Variants in TIPARP observed in about 807,000 individuals in gnomAD.
The protein encoded by TIPARP is protein mono-ADP-ribosyltransferase TIPARP.
Under a neutral mutation model 56.5 loss-of-function variants are expected in TIPARP, and 12 were observed. The ratio of observed to expected loss-of-function variants is 0.21; its 90% CI spans 0.14 to 0.34. The LOEUF (loss-of-function observed/expected upper bound fraction) is 0.34. Ranked by LOEUF, TIPARP falls within the 10% of genes least tolerant of loss-of-function variation. The pLI, the probability that TIPARP is intolerant of heterozygous loss-of-function variation, is 1.00. For missense variants in TIPARP, 604 were observed against 781.6 expected, an observed-to-expected ratio of 0.77 and a Z score of 2.71; for synonymous variants, 296 against 265.7, an observed-to-expected ratio of 1.11 and a Z score of -1.11.
intron 4 of TIPARP, among the ~76,000 whole-genome samples, chr3:156,697,160 A>G (rs1203508076): frequency 6.6e-6 from 1 of 152,186 alleles, no homozygotes; most frequent in African/African-American, 2.4e-5. Flanking sequence ...AAAAATTAGA[A>G]CTAGTAAAAA....
intron 2 of TIPARP, among the ~76,000 whole-genome samples, chr3:156,686,600 G>C (rs996194517): frequency 2.0e-5 from 3 of 152,122 alleles, no homozygotes; most frequent in Admixed American, 6.6e-5. Flanking sequence ...TCATTGATCA[G>C]TTAGTTCATC....
rs1050093220 is a variant in TIPARP at position 156,674,623 on chromosome 3, C to G, written c.-215C>G. ...AGGTGACAGGCGAGCTGGCTGGACT[C>G]GGAGCGCGGTCGAGGCTTTCTGCGT... On this transcript the variant is annotated 5_prime_UTR_variant, in exon 1 of 6. Transcript: ENST00000295924. 6.5e-6 allele frequency: 1 copy of G among 152,686 alleles called. No individual in the cohort carries two copies. Among genetic ancestry groups the G allele is most frequent in the Non-Finnish European group, 1.5e-5 (1 of 68,132 alleles). The allele number at this position is 152,686 out of a possible 1,614,324, so 9.5% of individuals were successfully genotyped here.
chr3:156,678,754 C>G (rs1280526957), intron 2 of TIPARP, 140 bp downstream of exon 2: 1 of 712,348 alleles, frequency 1.4e-6, no homozygotes, highest in Non-Finnish European at 2.2e-6. Context: ...CTGTGCTGTC[C>G]TGATTTTTCA....
intron 2 of TIPARP, among the ~76,000 whole-genome samples, chr3:156,683,908 A>G (rs1722364330): frequency 6.6e-6 from 1 of 152,170 alleles, no homozygotes. Flanking sequence ...ATTTGAGACC[A>G]CCAGATTCTG....
rs770403066 is a variant in TIPARP at position 156,694,083 on chromosome 3, A to C, written c.981A>C (p.Gln327His). ...TGTATGAAACAACTGAATTTGACCA[A>C]CTACGAAGGCTGTCCACACCACCCT... ...MNVYETTEFD[Q>H]LRRLSTPPSS... The change falls in exon 3 of 6, where the codon CAA becomes CAC. Residue 327 changes from glutamine (Q) to histidine (H), a missense_variant. Coordinates refer to ENST00000295924, the MANE Select transcript of TIPARP (RefSeq NM_015508.5). The C allele has an allele frequency of 1.2e-6, 2 of 1,613,394 alleles. No individual in the cohort carries two copies. Among genetic ancestry groups the C allele is most frequent in the East Asian group, 4.5e-5 (2 of 44,866 alleles).
intron 1 of TIPARP, among the ~76,000 whole-genome samples, chr3:156,676,333 T>C (rs1448135332): frequency 6.6e-6 from 1 of 152,276 alleles, no homozygotes; most frequent in African/African-American, 2.4e-5. Flanking sequence ...TACTTCGTTA[T>C]AAACTGCTTT....
intron 1 of TIPARP, chr3:156,675,019 G>C (rs985828018): frequency 6.6e-6 from 1 of 152,466 alleles, no homozygotes; most frequent in Non-Finnish European, 1.5e-5. Context: ...CTTAGAGCCT[G>C]TGGCAGGTGT....
At chr3:156,676,230 C>T (rs1156748823) in intron 1 of TIPARP, among the ~76,000 whole-genome samples, 1 of 152,226 alleles carries the variant, frequency 6.6e-6, no homozygotes, top group Non-Finnish European at 1.5e-5. Flanking sequence ...TGTCAGATCC[C>T]TCCTTCTTCG....
intron 5 of TIPARP, among the ~76,000 whole-genome samples, chr3:156,704,039 A>T (rs1426483006): frequency 2.6e-5 from 4 of 151,938 alleles, no homozygotes; most frequent in African/African-American, 9.7e-5. Context: ...AAGTTCAAGA[A>T]TCAAGAGAGC....
intron 2 of TIPARP, among the ~76,000 whole-genome samples, chr3:156,683,515 T>C (rs949291396): frequency 1.3e-5 from 2 of 152,100 alleles, no homozygotes; most frequent in African/African-American, 2.4e-5. Context: ...GCTCAATTTA[T>C]AGTAGTAACT....
intron 4 of TIPARP, 47 bp from the exon 5 acceptor site, chr3:156,703,377 C>G: frequency 6.3e-7 from 1 of 1,585,408 alleles, no homozygotes; most frequent in Non-Finnish European, 8.6e-7. Flanking sequence ...GTGAGGTGTA[C>G]TTATTTCTTA....
At chr3:156,702,074 T>G (rs866085815) in intron 4 of TIPARP, among the ~76,000 whole-genome samples, 2,020 of 62,078 alleles carry the variant, frequency 0.033, 41 homozygotes, top group African/African-American at 0.068. Flanking sequence ...TGGTGGTGGT[T>G]GTGGTGGTGG....
At chr3:156,697,440 A>G (rs1239454253) in intron 4 of TIPARP, among the ~76,000 whole-genome samples, 1 of 54,918 alleles carries the variant, frequency 1.8e-5, no homozygotes. Context: ...TTTTTTTTTG[A>G]AGCTTAGGCT....
intron 2 of TIPARP, among the ~76,000 whole-genome samples, chr3:156,688,253 A>G (rs1443807380): frequency 1.3e-5 from 2 of 151,642 alleles, no homozygotes; most frequent in South Asian, 2.1e-4. Flanking sequence ...GATCATGCCT[A>G]TAGTCACAGC....
intron 2 of TIPARP, among the ~76,000 whole-genome samples, chr3:156,691,940 T>C (rs1166845953): frequency 6.6e-6 from 1 of 152,122 alleles, no homozygotes; most frequent in Non-Finnish European, 1.5e-5. Flanking sequence ...AAAGCTGCAG[T>C]TGTAGATGTC....
chr3:156,695,687 A>T (rs1229907799), intron 3 of TIPARP, among the ~76,000 whole-genome samples, 178 bp from the exon 4 acceptor site: 1 of 151,780 alleles, frequency 6.6e-6, no homozygotes, highest in Non-Finnish European at 1.5e-5. Flanking sequence ...GCATCTTTCC[A>T]CCCTACATAC....
intron 2 of TIPARP, among the ~76,000 whole-genome samples, chr3:156,684,654 A>G (rs1311082986): frequency 6.6e-6 from 1 of 151,968 alleles, no homozygotes. Context: ...CTCGTCTCGA[A>G]CTCCCGACCT....
chr3:156,683,923 C>G (rs982053586), intron 2 of TIPARP, among the ~76,000 whole-genome samples: 1 of 152,130 alleles, frequency 6.6e-6, no homozygotes, highest in African/African-American at 2.4e-5. Flanking sequence ...ATTCTGCATC[C>G]TTTGTCTGAT....
At position 156,694,057 on chromosome 3, in the gene TIPARP, G is replaced by C. The variant is rs768539321; in HGVS notation, c.955G>C (p.Val319Leu). 2 of 1,612,064 alleles carry C rather than the reference G, an allele frequency of 1.2e-6. No individual in the cohort carries two copies. The highest frequency in any genetic ancestry group is 4.5e-5 in the East Asian group (2 of 44,824). The change falls in exon 3 of 6, where the codon GTG becomes CTG. Residue 319 changes from valine (V) to leucine (L), a missense_variant. By Grantham distance (32) the Val-to-Leu change is conservative. Transcript: ENST00000295924. ...EFWADLNAMN[V>L]YETTEFDQLR... is the part of the protein sequence containing the mutation. The stretch of plus-strand genomic sequence containing the variant: ...TTGGGCAGATTTGAATGCCATGAAC[G>C]TGTATGAAACAACTGAATTTGACCA...
Sources: gnomAD v4.1 joint callset for allele counts (sites outside exome capture counted in the v4.1 genomes callset) on GRCh38, gnomAD v4.1.1 for gene constraint, MANE v1.5 for transcripts, NCBI Gene and HGNC (gene_info 2026-07-23, HGNC 2026-07-21) for gene names.